ELMO1: variants seen among roughly 807,000 people sequenced by gnomAD.
ELMO1 encodes the protein engulfment and cell motility 1, also known as engulfment and cell motility protein 1.
In ELMO1, 26 loss-of-function variants were observed where a neutral mutation model predicts 98.9. That is an observed-to-expected ratio of 0.26 (90% CI 0.19 to 0.36). The LOEUF (loss-of-function observed/expected upper bound fraction) is 0.36, where lower values mean the gene tolerates loss of function less well. Ranked by LOEUF, ELMO1 falls within the 10% of genes least tolerant of loss-of-function variation. The pLI, the probability that ELMO1 is intolerant of heterozygous loss-of-function variation, is 1.00. For missense variants in ELMO1, 627 were observed against 935.2 expected (o/e 0.67, Z 4.30); for synonymous variants, 346 against 346.0 (o/e 1.00, Z 0.00).
chr7:37,167,251 T>C (rs1230062685), intron 13 of ELMO1, among the ~76,000 whole-genome samples: 2 of 152,156 alleles, frequency 1.3e-5, no homozygotes, highest in Admixed American at 6.5e-5. Flanking sequence ...TGAGATGGGT[T>C]TCCTGAATAC....
intron 4 of ELMO1, among the ~76,000 whole-genome samples, chr7:37,309,000 CA>C (rs1319745885): frequency 1.3e-5 from 2 of 152,112 alleles, no homozygotes; most frequent in African/African-American, 2.4e-5. Context: ...GAAGAGGCAG[CA>C]CAGGAGAAAT....
At chr7:36,940,398 T>C (rs1021571674) in intron 16 of ELMO1, among the ~76,000 whole-genome samples, 1 of 152,226 alleles carries the variant, frequency 6.6e-6, no homozygotes, top group African/African-American at 2.4e-5. Context: ...AATAGGGAAC[T>C]ACCAAAGCTC....
intron 16 of ELMO1, among the ~76,000 whole-genome samples, chr7:36,898,793 A>C (rs1353540075): frequency 1.3e-5 from 2 of 152,232 alleles, no homozygotes; most frequent in Non-Finnish European, 2.9e-5. Flanking sequence ...ACTCAGTGCA[A>C]GGAATGACGC....
intron 15 of ELMO1, among the ~76,000 whole-genome samples, chr7:37,027,750 A>G (rs1794661513): frequency 6.6e-6 from 1 of 152,106 alleles, no homozygotes; most frequent in Admixed American, 6.6e-5. Flanking sequence ...GCACATGAAC[A>G]CAACCCCAGA....
chr7:36,921,063 T>A (rs540910483), intron 16 of ELMO1, among the ~76,000 whole-genome samples: 3 of 152,320 alleles, frequency 2.0e-5, no homozygotes, highest in South Asian at 4.1e-4. Context: ...CCTTCCACCA[T>A]GTGAGGACGC....
chr7:37,384,564 C>CA (rs1245074288), intron 1 of ELMO1, among the ~76,000 whole-genome samples: 3 of 151,998 alleles, frequency 2.0e-5, no homozygotes, highest in Non-Finnish European at 2.9e-5. Flanking sequence ...ACTAAAAATA[C>CA]AAAAAATTAG....
chr7:37,154,436 G>A (rs2129321624), intron 13 of ELMO1, among the ~76,000 whole-genome samples: 1 of 152,264 alleles, frequency 6.6e-6, no homozygotes, highest in South Asian at 2.1e-4. Context: ...TAGATGAATA[G>A]CTAACTAGAA....
intron 14 of ELMO1, among the ~76,000 whole-genome samples, chr7:37,101,256 C>G (rs1271162958): frequency 1.3e-5 from 2 of 152,066 alleles, no homozygotes; most frequent in Non-Finnish European, 2.9e-5. Context: ...ATAAAAAGTC[C>G]CATGTGCTGC....
chr7:37,268,234 T>C (rs1796364959), intron 5 of ELMO1, among the ~76,000 whole-genome samples: 1 of 152,320 alleles, frequency 6.6e-6, no homozygotes, highest in Admixed American at 6.5e-5. Flanking sequence ...GCTCTGCATA[T>C]AGAAGCTCCC....
At chr7:37,326,334 C>T (rs1203204992) in intron 2 of ELMO1, among the ~76,000 whole-genome samples, 1 of 152,160 alleles carries the variant, frequency 6.6e-6, no homozygotes, top group Non-Finnish European at 1.5e-5. Context: ...GCAGGCAGAT[C>T]ACCTGAGGTC....
intron 16 of ELMO1, among the ~76,000 whole-genome samples, chr7:36,902,936 T>A (rs1783684577): frequency 6.6e-6 from 1 of 152,200 alleles, no homozygotes; most frequent in Admixed American, 6.5e-5. Flanking sequence ...AACAACCTTC[T>A]GACTTCAACT....
At chr7:36,926,700 T>G (rs1049723455) in intron 16 of ELMO1, among the ~76,000 whole-genome samples, 1 of 152,224 alleles carries the variant, frequency 6.6e-6, no homozygotes, top group Non-Finnish European at 1.5e-5. Context: ...GTGCTCTTAA[T>G]ATACGGAGAT....
intron 7 of ELMO1, among the ~76,000 whole-genome samples, chr7:37,243,622 G>T (rs981507497): frequency 3.3e-5 from 5 of 152,302 alleles, no homozygotes; most frequent in Admixed American, 3.3e-4. Flanking sequence ...ATAGTACATT[G>T]AAGGTGATGA....
At chr7:37,301,881 G>C (rs1798370163) in intron 4 of ELMO1, among the ~76,000 whole-genome samples, 1 of 152,126 alleles carries the variant, frequency 6.6e-6, no homozygotes. Context: ...TTACCTCACT[G>C]TTGCTGCTCT....
chr7:37,207,203 C>G (rs968224280), intron 13 of ELMO1, among the ~76,000 whole-genome samples: 7 of 152,194 alleles, frequency 4.6e-5, no homozygotes, highest in Admixed American at 4.6e-4. Flanking sequence ...TGAGAGTCTG[C>G]CTTCCATTAC....
intron 16 of ELMO1, among the ~76,000 whole-genome samples, chr7:36,935,144 G>A (rs548622616): frequency 6.6e-6 from 1 of 152,232 alleles, no homozygotes; most frequent in African/African-American, 2.4e-5. Context: ...TCATGGGGGC[G>A]GTTCCCCACA....
chr7:37,229,692 G>A (rs1423025485), intron 8 of ELMO1, among the ~76,000 whole-genome samples: 1 of 152,076 alleles, frequency 6.6e-6, no homozygotes, highest in African/African-American at 2.4e-5. Flanking sequence ...TCCAGCTAAT[G>A]AATAAAAAAG....
At chr7:37,227,102 C>A (rs1291074345) in intron 8 of ELMO1, among the ~76,000 whole-genome samples, 1 of 152,208 alleles carries the variant, frequency 6.6e-6, no homozygotes, top group Non-Finnish European at 1.5e-5. Flanking sequence ...TTCTAAGAAT[C>A]CATAATCACT....
chr7:37,299,410 C>T (rs1302257858), intron 4 of ELMO1, among the ~76,000 whole-genome samples: 4 of 134,266 alleles, frequency 3.0e-5, no homozygotes, highest in Non-Finnish European at 4.8e-5. Context: ...TTAGGTCTAA[C>T]GTTTAAGTCT....
Sources: gnomAD v4.1 joint callset for allele counts (sites outside exome capture counted in the v4.1 genomes callset) on GRCh38, gnomAD v4.1.1 for gene constraint, MANE v1.5 for transcripts, NCBI Gene and HGNC (gene_info 2026-07-23, HGNC 2026-07-21) for gene names.